Variants in ARHGAP15 observed in about 807,000 individuals in gnomAD.
The protein encoded by ARHGAP15 is Rho GTPase activating protein 15, also known as rho GTPase-activating protein 15.
ARHGAP15 carries 51 observed loss-of-function variants against 63.7 expected under a neutral mutation model. The ratio of observed to expected loss-of-function variants is 0.80; its 90% confidence interval spans 0.64 to 1.01. The LOEUF (loss-of-function observed/expected upper bound fraction) is 1.01, where lower values mean the gene tolerates loss of function less well. Among genes scored for constraint, ARHGAP15 ranks in the 50% least tolerant of loss-of-function variants. The pLI is 0.00. For synonymous variants in ARHGAP15, 191 were observed against 193.8 expected (o/e 0.99, Z 0.12); for missense variants, 560 against 564.6 (o/e 0.99, Z 0.08).
intron 6 of ARHGAP15, among the ~76,000 whole-genome samples, chr2:143,304,060 T>C (rs1287826484): frequency 1.3e-5 from 2 of 152,122 alleles, no homozygotes; most frequent in East Asian, 3.9e-4. Context: ...TCCTCAAGGA[T>C]CTACAACTAG....
chr2:143,206,420 G>A lies in ARHGAP15; in HGVS notation c.234+4218G>A, dbSNP rs75877749. On this transcript the variant is annotated intron_variant, in intron 3 of 13. Transcript: ENST00000295095. ...TATATGCCTAACATTTGTAGTGAAA[G>A]CCAATTTTTCAATATAATTAGATAT... 7.0e-3 allele frequency among the ~76,000 whole-genome samples: 1,068 copies of A among 152,176 alleles called. 15 individuals are homozygous for A. The highest frequency in any genetic ancestry group is 0.024 in the African/African-American group (1,005 of 41,534).
intron 6 of ARHGAP15, among the ~76,000 whole-genome samples, chr2:143,305,631 C>T (rs1683131125): frequency 1.3e-5 from 2 of 151,816 alleles, no homozygotes; most frequent in South Asian, 4.1e-4. Flanking sequence ...CATAGCACTT[C>T]CAAAATAAAA....
At chr2:143,216,924 A>G (rs1459653172) in intron 4 of ARHGAP15, among the ~76,000 whole-genome samples, 1 of 152,250 alleles carries the variant, frequency 6.6e-6, no homozygotes, top group East Asian at 1.9e-4. Flanking sequence ...AAGAACCTTC[A>G]GAGAACAATA....
At chr2:143,341,382 G>C (rs942816452) in intron 6 of ARHGAP15, among the ~76,000 whole-genome samples, 1 of 152,068 alleles carries the variant, frequency 6.6e-6, no homozygotes, top group Non-Finnish European at 1.5e-5. Flanking sequence ...AACTTTATAG[G>C]TGAAGCTAAC....
At chr2:143,321,420 A>G (rs190555541) in intron 6 of ARHGAP15, among the ~76,000 whole-genome samples, 51 of 152,338 alleles carry the variant, frequency 3.3e-4, no homozygotes, top group Admixed American at 2.8e-3. Context: ...TAGTCGGTTC[A>G]CACAAATGTG....
chr2:143,747,353 T>C (rs920113926), intron 13 of ARHGAP15, among the ~76,000 whole-genome samples: 4 of 152,220 alleles, frequency 2.6e-5, no homozygotes, highest in African/African-American at 9.6e-5. Flanking sequence ...TGTGGTATAT[T>C]TGTTGTAACT....
intron 13 of ARHGAP15, among the ~76,000 whole-genome samples, chr2:143,709,951 C>A (rs1684502632): frequency 6.6e-6 from 1 of 152,222 alleles, no homozygotes; most frequent in Admixed American, 6.5e-5. Flanking sequence ...CTCTCTGCCT[C>A]CCATCCAGGC....
chr2:143,517,243 G>A (rs938972744), intron 9 of ARHGAP15, among the ~76,000 whole-genome samples: 5 of 152,024 alleles, frequency 3.3e-5, no homozygotes, highest in South Asian at 2.1e-4. Context: ...CACCATGCCC[G>A]GCCTGGAGTA....
rs550934293 is a variant in ARHGAP15 at position 143,495,989 on chromosome 2, T to C, written c.826+8494T>C. Reference sequence around the variant, plus strand: ...TGTGCTTAAAAATATCTTGTAAATCTTCTTTTTTAAAAAACTTCTTTATGG... The same window carrying C: ...TGTGCTTAAAAATATCTTGTAAATCCTCTTTTTTAAAAAACTTCTTTATGG... On this transcript the variant is annotated intron_variant, in intron 9 of 13. Transcript: ENST00000295095. Among the ~76,000 whole-genome samples the C allele has an allele frequency of 1.5e-3, 221 of 152,360 alleles. 1 individual carries two copies. Among genetic ancestry groups the C allele is most frequent in the African/African-American group, 5.1e-3 (214 of 41,580 alleles).
chr2:143,309,866 T>TTGTGTGTGTGTGTGTG (rs10562854), intron 6 of ARHGAP15, among the ~76,000 whole-genome samples: 181 of 149,104 alleles, frequency 1.2e-3, no homozygotes, highest in African/African-American at 4.4e-3. Context: ...ATATATGAAC[T>TTGTGTGTGTGTGTGTG]TGTGTGTGTG....
chr2:143,651,098 C>T (rs974729345), intron 12 of ARHGAP15, among the ~76,000 whole-genome samples: 2 of 151,856 alleles, frequency 1.3e-5, no homozygotes, highest in African/African-American at 4.8e-5. Flanking sequence ...TACAGGTTTC[C>T]TAGTCTTACC....
Position 143,294,663 on chromosome 2 carries a change from G to A in ARHGAP15, c.474+44063G>A, listed in dbSNP as rs569120884. On this transcript the variant is annotated intron_variant, in intron 6 of 13. Coordinates refer to ENST00000295095, the MANE Select transcript of ARHGAP15 (RefSeq NM_018460.4). ...ATCACTTCTGCTTATTTCTTACTAGGAAGTGTAGCCTTTGGGGGACAGCCA... is the reference window on the plus strand; with the variant it reads ...ATCACTTCTGCTTATTTCTTACTAGAAAGTGTAGCCTTTGGGGGACAGCCA... Among the ~76,000 whole-genome samples, 38 of 152,122 alleles carry A rather than the reference G, an allele frequency of 2.5e-4. 1 individual carries two copies. The highest frequency in any genetic ancestry group is 9.7e-4 in the East Asian group (5 of 5,160).
intron 8 of ARHGAP15, among the ~76,000 whole-genome samples, chr2:143,474,481 G>A (rs1422472548): frequency 6.6e-6 from 1 of 152,160 alleles, no homozygotes; most frequent in Non-Finnish European, 1.5e-5. Flanking sequence ...CCTGGTTACT[G>A]GAAGAATTGG....
intron 6 of ARHGAP15, among the ~76,000 whole-genome samples, chr2:143,332,027 A>T (rs1684571926): frequency 6.6e-6 from 1 of 152,186 alleles, no homozygotes; most frequent in Admixed American, 6.5e-5. Context: ...TACCTGCCAC[A>T]AAACCCTAGA....
intron 2 of ARHGAP15, among the ~76,000 whole-genome samples, chr2:143,165,566 G>A (rs754568390): frequency 6.6e-6 from 1 of 152,038 alleles, no homozygotes; most frequent in Non-Finnish European, 1.5e-5. Flanking sequence ...CCCACTGCCA[G>A]AACACACAAA....
At position 143,662,148 on chromosome 2, in the gene ARHGAP15, G is replaced by A. The variant is rs577029050; in HGVS notation, c.1138+37881G>A. ...AGACAAACAAAAAGCAGTAACCTCT[G>A]CAGACTTAAATATGCCTGTCTGACA... On this transcript the variant is annotated intron_variant, in intron 12 of 13. Transcript: ENST00000295095. Among the ~76,000 whole-genome samples the A allele has an allele frequency of 3.9e-5, 6 of 152,376 alleles. No homozygotes were observed. In the South Asian group the frequency reaches 1.0e-3, roughly 26 times the overall value.
chr2:143,767,204 T>G (rs1430976408), intron 13 of ARHGAP15, among the ~76,000 whole-genome samples: 1 of 152,202 alleles, frequency 6.6e-6, no homozygotes, highest in Non-Finnish European at 1.5e-5. Flanking sequence ...TAGCATTACT[T>G]TTTTAATTAT....
chr2:143,480,366 CATTTT>C (rs1692022837), intron 8 of ARHGAP15, among the ~76,000 whole-genome samples: 1 of 152,136 alleles, frequency 6.6e-6, no homozygotes, highest in Non-Finnish European at 1.5e-5. Flanking sequence ...TAAAAGTAAA[CATTTT>C]AATTGTATGA....
chr2:143,148,071 A>C (rs1399458163), intron 1 of ARHGAP15, among the ~76,000 whole-genome samples: 1 of 152,042 alleles, frequency 6.6e-6, no homozygotes, highest in Non-Finnish European at 1.5e-5. Context: ...AGGCAGCCTT[A>C]ATCAACCATA....
Sources: gnomAD v4.1 joint callset for allele counts (sites outside exome capture counted in the v4.1 genomes callset) on GRCh38, gnomAD v4.1.1 for gene constraint, MANE v1.5 for transcripts, NCBI Gene and HGNC (gene_info 2026-07-23, HGNC 2026-07-21) for gene names.